The following F8 variants were observed in gnomAD, a reference collection of about 807,000 sequenced individuals.
The protein encoded by F8 is coagulation factor VIII.
In F8, 12 loss-of-function variants were observed where a neutral mutation model predicts 140.6. The observed-to-expected ratio is 0.09, with a 90% CI of 0.05 to 0.14. F8 has a LOEUF of 0.14. Ranked by LOEUF, F8 falls within the 10% of genes least tolerant of loss-of-function variation. The pLI is 1.00. For synonymous variants in F8, 585 were observed against 614.6 expected (o/e 0.95, Z 0.71); for missense variants, 1,354 against 1,720.7 (o/e 0.79, Z 3.77).
chrX:155,016,953 A>G (rs955271561), intron 1 of F8, among the ~76,000 whole-genome samples: 9 of 112,491 alleles, frequency 8.0e-5, no homozygotes, highest in Non-Finnish European at 1.5e-4. Flanking sequence ...CCAAAAATAT[A>G]TTATGTGGCA....
At chrX:154,850,485 AT>A (rs35039422) in intron 25 of F8, among the ~76,000 whole-genome samples, 11 of 84,342 alleles carry the variant, frequency 1.3e-4, no homozygotes, top group Admixed American at 4.0e-4. Flanking sequence ...CCTTCTCTTT[AT>A]TTTTTTTTTT....
At chrX:154,868,545 A>G (rs1361062467) in intron 22 of F8, among the ~76,000 whole-genome samples, 2 of 111,933 alleles carry the variant, frequency 1.8e-5, no homozygotes, top group Non-Finnish European at 3.8e-5. Context: ...TCCTGAAAGA[A>G]GCACTAAACA....
chrX:154,929,128 C>G lies in F8; in HGVS notation c.4662G>C (p.Trp1554Cys), dbSNP rs1375135141. The G allele has an allele frequency of 8.3e-7, 1 of 1,209,731 alleles. No individual in the cohort carries two copies. The highest frequency in any genetic ancestry group is 1.1e-6 in the Non-Finnish European group (1 of 895,202). Residue 1554 changes from tryptophan to cysteine, a missense_variant, in exon 14 of 26, where the codon TGG becomes TGC. Transcript: ENST00000360256. Reference sequence around the variant, plus strand: ...CTTTTCCAGGTCTGTTTGCTTCATTCCACTTAATCGCTCCCTCTGTTCCCT... The same window carrying G: ...CTTTTCCAGGTCTGTTTGCTTCATTGCACTTAATCGCTCCCTCTGTTCCCT... ...LLQGTEGAIKWNEANRPGKVP... is the reference protein window; with the variant it reads ...LLQGTEGAIKCNEANRPGKVP...
At chrX:154,915,778 A>G (rs2073093296) in intron 14 of F8, among the ~76,000 whole-genome samples, 1 of 111,424 alleles carries the variant, frequency 9.0e-6, no homozygotes, top group African/African-American at 3.3e-5. Flanking sequence ...GGGGAATTTG[A>G]TTTCTTTTTT....
chrX:154,837,491 T>C lies in F8; in HGVS notation c.*106A>G. 1.1e-6 allele frequency: 1 copy of C among 932,564 alleles called. No homozygotes were observed. The highest frequency in any genetic ancestry group is 1.5e-6 in the Non-Finnish European group (1 of 664,627). 76.9% of individuals were successfully genotyped at this position (932,564 alleles called of 1,213,427 possible). ...TAATTCAGGAGGCTTCAAGGCAGTG[T>C]CTGCTAGGATTTAGCACAAAGGTAG... On this transcript the variant is annotated 3_prime_UTR_variant, in exon 26 of 26. Coordinates refer to ENST00000360256, the MANE Select transcript of F8 (RefSeq NM_000132.4).
chrX:154,968,188 C>T (rs782401506), intron 7 of F8, among the ~76,000 whole-genome samples: 7 of 111,580 alleles, frequency 6.3e-5, no homozygotes, highest in African/African-American at 1.3e-4. Flanking sequence ...AGGTCATAAG[C>T]GTTCCACCCT....
At chrX:154,994,948 TAA>T (rs781804276) in intron 3 of F8, among the ~76,000 whole-genome samples, 1 of 112,305 alleles carries the variant, frequency 8.9e-6, no homozygotes, top group African/African-American at 3.2e-5. Flanking sequence ...CTCTATTATA[TAA>T]GTGTTGTTTT....
chrX:154,979,202 GC>G (rs1247973071), intron 6 of F8, among the ~76,000 whole-genome samples: 6 of 111,935 alleles, frequency 5.4e-5, no homozygotes, highest in African/African-American at 2.0e-4. Flanking sequence ...AGTGGTCTGT[GC>G]TGGCGTTGGT....
chrX:155,015,649 GAC>G (rs2073730373), intron 1 of F8, among the ~76,000 whole-genome samples: 1 of 111,531 alleles, frequency 9.0e-6, no homozygotes, highest in Admixed American at 9.5e-5. Flanking sequence ...AGACACTGGA[GAC>G]GACTAGAGGA....
chrX:154,929,714 C>A lies in F8; in HGVS notation c.4076G>T (p.Trp1359Leu). Residue 1359 changes from tryptophan (W) to leucine (L), a missense_variant, in exon 14 of 26, where the codon TGG becomes TTG. Trp to Leu is a moderately conservative substitution (Grantham distance 61). Around this residue, in one of 4 missense-constraint regions of F8, gnomAD observed 658 missense variants for 666.5 expected, o/e 0.99. Coordinates refer to ENST00000360256, the MANE Select transcript of F8 (RefSeq NM_000132.4). ...GGTCAAATGTTTCATGTTTTTGGACCACTGGGTTGAGGTGTCATCCACAAT... is the reference window on the plus strand; with the variant it reads ...GGTCAAATGTTTCATGTTTTTGGACAACTGGGTTGAGGTGTCATCCACAAT... ...RIIVDDTSTQ[W>L]SKNMKHLTPS... 1.7e-6 allele frequency: 2 copies of A among 1,209,894 alleles called. No individual in the cohort carries two copies. Among genetic ancestry groups the A allele is most frequent in the Non-Finnish European group, 2.2e-6 (2 of 894,707 alleles).
In F8 at chrX:154,930,256, C is replaced by G. The variant is rs1279491966; in HGVS notation, c.3534G>C (p.Lys1178Asn). ...AAACCATCTCTTTGAGTCCTACGTCCTTTGTAAATTCACCCTTTCCTACTA... is the reference window on the plus strand; with the variant it reads ...AAACCATCTCTTTGAGTCCTACGTCGTTTGTAAATTCACCCTTTCCTACTA... ...KVVVGKGEFT[K>N]DVGLKEMVFP... The change falls in exon 14 of 26, where the codon AAG becomes AAC. Residue 1178 changes from lysine (K) to asparagine (N), a missense_variant. Lys to Asn is a moderately conservative substitution (Grantham distance 94). Around this residue, in one of 4 missense-constraint regions of F8, gnomAD observed 658 missense variants for 666.5 expected, o/e 0.99. Transcript: ENST00000360256. 1.2e-5 allele frequency: 14 copies of G among 1,209,084 alleles called. No individual in the cohort carries two copies. The highest frequency in any genetic ancestry group is 1.6e-5 in the Non-Finnish European group (14 of 894,646).
chrX:154,862,433 T>A (rs782256075), intron 23 of F8, among the ~76,000 whole-genome samples: 35 of 111,512 alleles, frequency 3.1e-4, no homozygotes, highest in African/African-American at 1.1e-3. Flanking sequence ...ATTCTAGGGG[T>A]ACATGGGTAG....
intron 13 of F8, among the ~76,000 whole-genome samples, chrX:154,947,179 C>T (rs1342693288): frequency 1.1e-5 from 1 of 92,055 alleles, no homozygotes; most frequent in Non-Finnish European, 2.1e-5. Context: ...GAGCCGAGAT[C>T]GTGCCACCGC....
chrX:154,948,165 A>G (rs1409375263), intron 12 of F8, among the ~76,000 whole-genome samples: 1 of 111,395 alleles, frequency 9.0e-6, no homozygotes, highest in Non-Finnish European at 1.9e-5. Context: ...GAGTAGCAAG[A>G]TGTTTGCATG....
At chrX:154,893,394 T>C (rs1557275309) in intron 22 of F8, among the ~76,000 whole-genome samples, 1 of 112,525 alleles carries the variant, frequency 8.9e-6, no homozygotes, top group Non-Finnish European at 1.9e-5. Flanking sequence ...TGACAATCCC[T>C]AAACCTGAAA....
chrX:154,929,046 C>A lies in F8; in HGVS notation c.4744G>T (p.Asp1582Tyr). 1.2e-5 allele frequency: 14 copies of A among 1,211,173 alleles called. No individual in the cohort carries two copies. The highest frequency in any genetic ancestry group is 1.6e-5 in the Non-Finnish European group (14 of 895,240). Residue 1582 changes from aspartate (D) to tyrosine (Y), a missense_variant, in exon 14 of 26, where the codon GAT becomes TAT. Asp to Tyr is a radical substitution (Grantham distance 160). Transcript: ENST00000360256. ...TAGTGGTTATCCCAAGCAAGAGGATCCAATAGCTTGGAGGGAGTCTTTGCA... is the reference window on the plus strand; with the variant it reads ...TAGTGGTTATCCCAAGCAAGAGGATACAATAGCTTGGAGGGAGTCTTTGCA... ...SSAKTPSKLL[D>Y]PLAWDNHYGT... is the part of the protein sequence containing the mutation.
intron 6 of F8, among the ~76,000 whole-genome samples, chrX:154,970,846 AGTTT>A (rs1306456152): frequency 8.9e-6 from 1 of 111,764 alleles, no homozygotes; most frequent in African/African-American, 3.3e-5. Context: ...AGTAATGCTC[AGTTT>A]GTAATTTTGC....
Position 154,938,361 on chromosome X carries a change from T to C in F8, c.2114-6685A>G, listed in dbSNP as rs781877944. ...TGAGGAAATTATTTTTTTCCAACAA[T>C]TGGTGCTAGAGCAATTAAATATCCA... On this transcript the variant is annotated intron_variant, in intron 13 of 25. Coordinates refer to ENST00000360256, the MANE Select transcript of F8 (RefSeq NM_000132.4). 3.0e-4 allele frequency among the ~76,000 whole-genome samples: 33 copies of C among 111,863 alleles called. No homozygotes were observed. In the South Asian group the frequency reaches 0.012, roughly 40 times the overall value.
intron 14 of F8, among the ~76,000 whole-genome samples, chrX:154,910,573 A>T (rs782168693): frequency 2.7e-5 from 3 of 112,124 alleles, no homozygotes; most frequent in South Asian, 3.8e-4. Context: ...TAATAATAAT[A>T]AAAAAAGTCA....
Sources: gnomAD v4.1 joint callset for allele counts (sites outside exome capture counted in the v4.1 genomes callset) on GRCh38, gnomAD v4.1.1 for gene constraint, gnomAD v4.1.1 regional missense constraint, MANE v1.5 for transcripts, NCBI Gene and HGNC (gene_info 2026-07-23, HGNC 2026-07-21) for gene names.